The following SLC26A7 variants were observed in gnomAD, a reference collection of about 807,000 sequenced individuals.
SLC26A7 encodes anion exchange transporter.
In SLC26A7, 59 loss-of-function variants were observed where a neutral mutation model predicts 82.5. That is an observed-to-expected ratio of 0.72 (90% CI 0.58 to 0.89). The LOEUF is 0.89. Among genes scored for constraint, SLC26A7 ranks in the 40% least tolerant of loss-of-function variants. The pLI, the probability that SLC26A7 is intolerant of heterozygous loss-of-function variation, is 0.00. For synonymous variants in SLC26A7, 271 were observed against 274.3 expected (o/e 0.99, Z 0.12); for missense variants, 820 against 793.0 (o/e 1.03, Z -0.41).
At chr8:91,271,578 G>T (rs1019983224) in intron 2 of SLC26A7, among the ~76,000 whole-genome samples, 4 of 150,176 alleles carry the variant, frequency 2.7e-5, no homozygotes, top group Admixed American at 1.3e-4. Flanking sequence ...CTCGGGGGTG[G>T]TCTAGAGAAA....
intron 2 of SLC26A7, among the ~76,000 whole-genome samples, chr8:91,279,111 ATG>A (rs71562209): frequency 5.9e-4 from 68 of 115,038 alleles, no homozygotes; most frequent in African/African-American, 1.9e-3. Context: ...ATTTCATAGT[ATG>A]TGTGTGTGTG....
intron 2 of SLC26A7, among the ~76,000 whole-genome samples, chr8:91,235,663 G>T (rs531478962): frequency 2.1e-4 from 32 of 152,164 alleles, no homozygotes; most frequent in African/African-American, 7.7e-4. Flanking sequence ...TTCTTTAAAA[G>T]GACTGATTTC....
At chr8:91,231,273 C>T (rs2130674091) in intron 2 of SLC26A7, among the ~76,000 whole-genome samples, 1 of 152,292 alleles carries the variant, frequency 6.6e-6, no homozygotes, top group East Asian at 1.9e-4. Context: ...CTTATATCAT[C>T]AGATGACTAT....
chr8:91,240,452 G>A (rs1424553279), intron 2 of SLC26A7, among the ~76,000 whole-genome samples: 1 of 152,142 alleles, frequency 6.6e-6, no homozygotes, highest in Non-Finnish European at 1.5e-5. Flanking sequence ...TTTGTGGAAG[G>A]TCTAAAAAGT....
At chr8:91,214,916 A>G (rs1563629998) in intron 1 of SLC26A7, among the ~76,000 whole-genome samples, 1 of 151,734 alleles carries the variant, frequency 6.6e-6, no homozygotes, top group Non-Finnish European at 1.5e-5. Flanking sequence ...CCTGGGGGGA[A>G]CCATTTTCTG....
chr8:91,245,082 A>T (rs971843143), upstream of SLC26A7, among the ~76,000 whole-genome samples: 2 of 152,188 alleles, frequency 1.3e-5, no homozygotes, highest in Non-Finnish European at 2.9e-5. Flanking sequence ...TAACTTATAT[A>T]TGTGCGTCCA....
In SLC26A7 at chr8:91,334,400, CA is replaced by C; in HGVS notation, c.749del (p.Gln250ArgfsTer12). Reference protein sequence around the residue: ...VLVLVKELNEQFKRKIKVVLP... With the variant: ...VLVLVKELNEXFKRKIKVVLP... ...TGTTCTTGTTAAAGAGCTGAATGAA[CA>C]GTTTAAAAGGAAAATTAAAGTTGTT... On this transcript the variant is annotated frameshift_variant, in exon 6 of 19. Transcript: ENST00000276609. LOFTEE classifies it high-confidence loss of function. The C allele has an allele frequency of 6.2e-7, 1 of 1,613,122 alleles. No individual in the cohort carries two copies. The highest frequency in any genetic ancestry group is 8.5e-7 in the Non-Finnish European group (1 of 1,179,460).
At chr8:91,234,018 G>A (rs1318413047) in intron 2 of SLC26A7, among the ~76,000 whole-genome samples, 1 of 152,202 alleles carries the variant, frequency 6.6e-6, no homozygotes, top group Non-Finnish European at 1.5e-5. Context: ...ATTGATCGGG[G>A]CAGAGGTAGA....
chr8:91,255,009 A>C (rs1481173906), intron 2 of SLC26A7, among the ~76,000 whole-genome samples: 1 of 152,140 alleles, frequency 6.6e-6, no homozygotes, highest in African/African-American at 2.4e-5. Context: ...TTTTGTGCAC[A>C]TTACAGCCTG....
chr8:91,333,920 G>A (rs1001926242), intron 5 of SLC26A7, among the ~76,000 whole-genome samples: 2 of 152,094 alleles, frequency 1.3e-5, no homozygotes. Context: ...TGGGGTTTGA[G>A]GAGGGCCCCA....
intron 15 of SLC26A7, among the ~76,000 whole-genome samples, chr8:91,380,586 C>T (rs1423725297): frequency 6.6e-6 from 1 of 152,120 alleles, no homozygotes; most frequent in African/African-American, 2.4e-5. Flanking sequence ...ACAATTATGA[C>T]ATACCATTAA....
intron 4 of SLC26A7, among the ~76,000 whole-genome samples, chr8:91,300,619 G>A (rs1450695339): frequency 1.3e-5 from 2 of 152,014 alleles, no homozygotes; most frequent in Non-Finnish European, 2.9e-5. Flanking sequence ...GGATGGTCTC[G>A]ATCTCCTGAC....
At chr8:91,312,828 C>T (rs974929935) in intron 4 of SLC26A7, among the ~76,000 whole-genome samples, 4 of 151,998 alleles carry the variant, frequency 2.6e-5, no homozygotes, top group Admixed American at 2.0e-4. Context: ...ATCCTTTGCC[C>T]GTTTTTGAAT....
At chr8:91,362,041 GC>G (rs1337198194) in intron 11 of SLC26A7, among the ~76,000 whole-genome samples, 14 of 152,100 alleles carry the variant, frequency 9.2e-5, no homozygotes, top group African/African-American at 2.9e-4. Context: ...ATCATGGCAT[GC>G]TTTTGAACCA....
chr8:91,371,433 A>G (rs747013462), intron 15 of SLC26A7, among the ~76,000 whole-genome samples: 2 of 151,704 alleles, frequency 1.3e-5, no homozygotes, highest in African/African-American at 2.4e-5. Context: ...TATTATTTCT[A>G]TTTATATGTC....
At chr8:91,365,566 G>C (rs967302168) in intron 13 of SLC26A7, among the ~76,000 whole-genome samples, 10 of 152,198 alleles carry the variant, frequency 6.6e-5, no homozygotes, top group African/African-American at 1.9e-4. Context: ...GCAACTTAAG[G>C]TTTGTTTGTT....
intron 4 of SLC26A7, among the ~76,000 whole-genome samples, chr8:91,313,302 A>T (rs1271274948): frequency 2.6e-5 from 4 of 152,188 alleles, no homozygotes; most frequent in East Asian, 1.9e-4. Context: ...CCATGTATGT[A>T]TGGGTTCATT....
intron 2 of SLC26A7, among the ~76,000 whole-genome samples, chr8:91,221,994 C>T (rs1810167224): frequency 6.6e-6 from 1 of 152,098 alleles, no homozygotes; most frequent in Admixed American, 6.5e-5. Context: ...TTGATTCTTC[C>T]TATTCATGAG....
intron 5 of SLC26A7, among the ~76,000 whole-genome samples, chr8:91,324,412 A>T (rs1166838734): frequency 2.0e-5 from 3 of 152,186 alleles, no homozygotes; most frequent in Non-Finnish European, 4.4e-5. Flanking sequence ...GGGAGAGGGC[A>T]TGCCTGGGCA....
Sources: allele counts gnomAD v4.1 joint callset (sites outside exome capture counted in the v4.1 genomes callset), GRCh38; gene constraint gnomAD v4.1.1; transcripts MANE v1.5; gene names NCBI Gene and HGNC (gene_info 2026-07-23, HGNC 2026-07-21).